Variants in KANSL1 observed in about 807,000 individuals in gnomAD.
The protein encoded by KANSL1 is MLL1/MLL complex subunit KANSL1.
KANSL1 carries 22 observed loss-of-function variants against 103.6 expected under a neutral mutation model. The observed-to-expected ratio is 0.21, with a 90% CI of 0.15 to 0.30. The LOEUF is 0.30. KANSL1 is among the 10% of genes least tolerant of loss of function. KANSL1 has a pLI of 1.00. For synonymous variants in KANSL1, 600 were observed against 527.6 expected (o/e 1.14, Z -1.88); for missense variants, 1,337 against 1,399.8 (o/e 0.96, Z 0.72).
At chr17:46,144,837 C>T (rs1267573517) in intron 2 of KANSL1, among the ~76,000 whole-genome samples, 1 of 152,164 alleles carries the variant, frequency 6.6e-6, no homozygotes, top group Non-Finnish European at 1.5e-5. Context: ...CCAGGCCAAA[C>T]TTACGACTAC....
intron 3 of KANSL1, among the ~76,000 whole-genome samples, chr17:46,084,481 A>T (rs2079090867): frequency 6.6e-6 from 1 of 151,998 alleles, no homozygotes. Context: ...TAGGAGTGCG[A>T]GACCAGCCTG....
At chr17:46,181,558 C>T (rs1413398876) in intron 1 of KANSL1, among the ~76,000 whole-genome samples, 4 of 152,160 alleles carry the variant, frequency 2.6e-5, no homozygotes, top group African/African-American at 9.7e-5. Context: ...ACCTCCCGAG[C>T]AGCTGGGATT....
At chr17:46,078,093 A>ATAC (rs1789791662) in intron 4 of KANSL1, among the ~76,000 whole-genome samples, 1 of 152,172 alleles carries the variant, frequency 6.6e-6, no homozygotes, top group South Asian at 2.1e-4. Flanking sequence ...TCTAGCAGGC[A>ATAC]TACTACTACT....
At chr17:46,224,009 A>G (rs1390623423), upstream of KANSL1, among the ~76,000 whole-genome samples, 2 of 151,798 alleles carry the variant, frequency 1.3e-5, no homozygotes, top group Non-Finnish European at 2.9e-5. Context: ...AGAAATAAAT[A>G]TGTAACACGT....
intron 2 of KANSL1, among the ~76,000 whole-genome samples, chr17:46,128,669 A>G (rs1567707395): frequency 6.6e-6 from 1 of 152,244 alleles, no homozygotes; most frequent in Non-Finnish European, 1.5e-5. Context: ...GAAGGAATCG[A>G]AAATAGGCGG....
chr17:46,037,076 G>A (rs2077173664), intron 10 of KANSL1, among the ~76,000 whole-genome samples: 1 of 152,132 alleles, frequency 6.6e-6, no homozygotes, highest in Admixed American at 6.6e-5. Context: ...AGCCTCAGGG[G>A]TTAGCATAGT....
intron 13 of KANSL1, 23 bp from the exon 14 acceptor site, chr17:46,032,322 C>A: frequency 6.7e-7 from 1 of 1,492,034 alleles, no homozygotes; most frequent in Non-Finnish European, 8.9e-7. Flanking sequence ...GAATGCAAAT[C>A]TGAGTGCCTG....
At chr17:46,129,821 T>C (rs908101140) in intron 2 of KANSL1, among the ~76,000 whole-genome samples, 1 of 152,134 alleles carries the variant, frequency 6.6e-6, no homozygotes, top group African/African-American at 2.4e-5. Flanking sequence ...TGTTTTCTAC[T>C]AAGAAATTTA....
chr17:46,153,560 T>C (rs2045244716), intron 2 of KANSL1, among the ~76,000 whole-genome samples: 1 of 152,208 alleles, frequency 6.6e-6, no homozygotes, highest in South Asian at 2.1e-4. Flanking sequence ...ATGACTTTTA[T>C]GTAATAGGAA....
chr17:46,182,118 A>G (rs1252653023), intron 1 of KANSL1, among the ~76,000 whole-genome samples: 10 of 152,342 alleles, frequency 6.6e-5, no homozygotes, highest in Non-Finnish European at 1.3e-4. Context: ...AACTTTATCG[A>G]GAGCTTGGTA....
At chr17:46,107,195 G>C (rs1156465628) in intron 2 of KANSL1, among the ~76,000 whole-genome samples, 1 of 152,242 alleles carries the variant, frequency 6.6e-6, no homozygotes, top group Non-Finnish European at 1.5e-5. Flanking sequence ...AAGCACTGCA[G>C]CAACAGCAAG....
In KANSL1 at chr17:46,061,496, C is replaced by T. The variant is rs530530900; in HGVS notation, c.1848+5041G>A. ...ATTCACTTAGATAATTACTAACATCCACCATACTAGACCCCTAAAGTGATG... is the reference window on the plus strand; with the variant it reads ...ATTCACTTAGATAATTACTAACATCTACCATACTAGACCCCTAAAGTGATG... On this transcript the variant is annotated intron_variant, in intron 6 of 14. Transcript: ENST00000432791. Among the ~76,000 whole-genome samples, 14 of 152,128 alleles carry T rather than the reference C, an allele frequency of 9.2e-5. No individual in the cohort carries two copies. In the South Asian group the frequency reaches 2.7e-3, roughly 29 times the overall value.
rs372797286 is a variant in KANSL1 at position 46,039,685 on chromosome 17, G to A, written c.2203+17C>T. ...TCACTGATACTCTGGGGGACTTCCC[G>A]GCTCCCTGACACTTACTGGCTGTTG... On this transcript the variant is annotated intron_variant, in intron 8 of 14. Coordinates refer to ENST00000432791, the MANE Select transcript of KANSL1 (RefSeq NM_015443.4). 1.9e-5 allele frequency: 31 copies of A among 1,604,546 alleles called. No homozygotes were observed. The East Asian group carries it at 2.0e-4, about 10-fold the overall frequency.
intron 3 of KANSL1, among the ~76,000 whole-genome samples, chr17:46,089,471 G>C (rs1300742554): frequency 7.2e-6 from 1 of 138,088 alleles, no homozygotes; most frequent in Admixed American, 7.5e-5. Flanking sequence ...TCCTTAAAAA[G>C]AAAAGCCCCA....
chr17:46,170,859 G>C lies in KANSL1; in HGVS notation c.1285C>G (p.Pro429Ala). 1 of 1,602,266 alleles carries C rather than the reference G, an allele frequency of 6.2e-7. No individual in the cohort carries two copies. The highest frequency in any genetic ancestry group is 8.5e-7 in the Non-Finnish European group (1 of 1,173,926). Residue 429 changes from proline to alanine, a missense_variant, in exon 2 of 15, where the codon CCC becomes GCC. Pro to Ala is a conservative substitution (Grantham distance 27). Transcript: ENST00000432791. The stretch of plus-strand genomic sequence containing the variant: ...TCATGCATGAGGTCTACTCACAGGG[G>C]TACATGACGCTGCTCGGGATCAGCT... The part of the protein sequence containing the change: ...TRADPEQRHV[P>A]LRRRSEWKWA...
rs34801822 is a variant in KANSL1 at position 46,171,847 on chromosome 17, T to C, written c.297A>G (p.Gln99=). 478 of 1,614,174 alleles carry C rather than the reference T, an allele frequency of 3.0e-4. 2 individuals are homozygous for C. The African/African-American group carries it at 5.6e-3, about 19-fold the overall frequency. Residue 99 remains glutamine (Q), a synonymous_variant, in exon 2 of 15, where the codon CAA becomes CAG. Transcript: ENST00000432791. ...GGACTGTCTGCTTGCTGAAGACCCCTTGCAACTTCAAAGACTCCTTTGAGG... is the reference window on the plus strand; with the variant it reads ...GGACTGTCTGCTTGCTGAAGACCCCCTGCAACTTCAAAGACTCCTTTGAGG... ...SVPSKESLKL[Q]GVFSKQTVLK...
intron 6 of KANSL1, among the ~76,000 whole-genome samples, chr17:46,061,281 CATA>C (rs1410232204): frequency 6.6e-6 from 1 of 152,032 alleles, no homozygotes; most frequent in African/African-American, 2.4e-5. Flanking sequence ...TAATTATAAA[CATA>C]ATTTTACTTA....
chr17:46,086,016 A>G (rs983585543), intron 3 of KANSL1, among the ~76,000 whole-genome samples: 36 of 152,254 alleles, frequency 2.4e-4, no homozygotes, highest in African/African-American at 8.0e-4. Context: ...AGAGTCATAC[A>G]CCAAGAAAAT....
intron 3 of KANSL1, chr17:46,093,321 T>C (rs1394914462): frequency 1.3e-5 from 2 of 152,634 alleles, no homozygotes; most frequent in Admixed American, 6.5e-5. Context: ...GCACCAAATC[T>C]AGAATGTTTA....
Sources: allele counts gnomAD v4.1 joint callset (sites outside exome capture counted in the v4.1 genomes callset), GRCh38; gene constraint gnomAD v4.1.1; transcripts MANE v1.5; gene names NCBI Gene and HGNC (gene_info 2026-07-23, HGNC 2026-07-21).